DNAJC1: variants seen among roughly 807,000 people sequenced by gnomAD.
The protein encoded by DNAJC1 is dnaJ homolog subfamily C member 1.
Under a neutral mutation model 76.6 loss-of-function variants are expected in DNAJC1, and 58 were observed. The ratio of observed to expected loss-of-function variants is 0.76; its 90% confidence interval spans 0.61 to 0.94. DNAJC1 has a LOEUF of 0.94. DNAJC1 is among the 40% of genes least tolerant of loss of function. The pLI, the probability that DNAJC1 is intolerant of heterozygous loss-of-function variation, is 0.00. For missense variants in DNAJC1, 689 were observed against 677.3 expected (o/e 1.02, Z -0.19); for synonymous variants, 258 against 267.9 (o/e 0.96, Z 0.36).
At chr10:21,816,577 G>A (rs1433382352) in intron 8 of DNAJC1, among the ~76,000 whole-genome samples, 22 of 141,914 alleles carry the variant, frequency 1.6e-4, no homozygotes, top group African/African-American at 5.5e-4. Context: ...ACGGAGACTC[G>A]CTCTGTCACC....
At position 21,856,732 on chromosome 10, in the gene DNAJC1, GA is replaced by G. The variant is rs1285612197; in HGVS notation, c.978+25549del. The stretch of plus-strand genomic sequence containing the variant: ...TTAAAAAAATCACTAATGACACATA[GA>G]AAAAAAAATTTTTTTTTTTTGAGAC... On this transcript the variant is annotated intron_variant, in intron 8 of 11. Coordinates refer to ENST00000376980, the MANE Select transcript of DNAJC1 (RefSeq NM_022365.4). 4.0e-5 allele frequency among the ~76,000 whole-genome samples: 6 copies of G among 151,526 alleles called. No homozygotes were observed. In the East Asian group the frequency reaches 1.2e-3, roughly 29 times the overall value.
intron 9 of DNAJC1, among the ~76,000 whole-genome samples, chr10:21,797,433 C>T (rs2131637580): frequency 6.6e-6 from 1 of 152,134 alleles, no homozygotes; most frequent in South Asian, 2.1e-4. Flanking sequence ...ATTGGGGGTC[C>T]TTTGTAATTC....
chr10:21,790,912 T>A (rs1265495953), intron 9 of DNAJC1, among the ~76,000 whole-genome samples: 1 of 152,110 alleles, frequency 6.6e-6, no homozygotes, highest in Non-Finnish European at 1.5e-5. Flanking sequence ...ATTCTTCACT[T>A]AAAAGATATA....
intron 7 of DNAJC1, among the ~76,000 whole-genome samples, chr10:21,887,933 C>T (rs1003049840): frequency 4.6e-5 from 7 of 152,064 alleles, no homozygotes; most frequent in African/African-American, 1.4e-4. Context: ...AAACTATCGA[C>T]AGAGTAAAAA....
intron 1 of DNAJC1, among the ~76,000 whole-genome samples, chr10:21,985,807 C>T (rs1838236321): frequency 1.3e-5 from 2 of 152,174 alleles, no homozygotes; most frequent in Non-Finnish European, 2.9e-5. Flanking sequence ...TTTTGGCTAA[C>T]ATTATGAATA....
At chr10:21,948,478 T>C (rs1447772518) in intron 1 of DNAJC1, among the ~76,000 whole-genome samples, 1 of 152,194 alleles carries the variant, frequency 6.6e-6, no homozygotes, top group South Asian at 2.1e-4. Context: ...AGGCAGAGTG[T>C]GTTTGGTAAC....
chr10:21,925,962 A>T (rs954839054), intron 3 of DNAJC1, among the ~76,000 whole-genome samples: 1 of 152,242 alleles, frequency 6.6e-6, no homozygotes, highest in Non-Finnish European at 1.5e-5. Flanking sequence ...ATGTTAAAAA[A>T]TCAAACAAAA....
At chr10:21,781,735 A>G (rs1028045693) in intron 9 of DNAJC1, among the ~76,000 whole-genome samples, 129 of 151,004 alleles carry the variant, frequency 8.5e-4, no homozygotes, top group Non-Finnish European at 1.4e-3. Flanking sequence ...AAAAAAAAAA[A>G]AAAGAAACTC....
intron 8 of DNAJC1, among the ~76,000 whole-genome samples, chr10:21,836,461 T>A (rs1045230200): frequency 3.3e-5 from 5 of 152,188 alleles, no homozygotes; most frequent in South Asian, 2.1e-4. Context: ...TGACAGGATC[T>A]AATTCACACA....
chr10:21,916,532 C>G (rs1836959166), intron 6 of DNAJC1, among the ~76,000 whole-genome samples: 1 of 152,096 alleles, frequency 6.6e-6, no homozygotes, highest in Non-Finnish European at 1.5e-5. Context: ...TCCTATATCA[C>G]AAGAGTGGTA....
chr10:21,947,551 T>C (rs1415958437), intron 1 of DNAJC1, among the ~76,000 whole-genome samples: 1 of 152,262 alleles, frequency 6.6e-6, no homozygotes, highest in Admixed American at 6.5e-5. Context: ...ATTGTAAGAA[T>C]ACAGTATATG....
At chr10:21,778,969 G>A (rs1834489768) in intron 9 of DNAJC1, among the ~76,000 whole-genome samples, 1 of 152,230 alleles carries the variant, frequency 6.6e-6, no homozygotes, top group Non-Finnish European at 1.5e-5. Flanking sequence ...GGCTTGGACG[G>A]TCCCACGCCC....
Position 22,003,697 on chromosome 10 carries a change from G to A in DNAJC1, c.-263C>T. The A allele has an allele frequency of 2.7e-6, 1 of 367,778 alleles. No individual in the cohort carries two copies. Among genetic ancestry groups the A allele is most frequent in the Non-Finnish European group, 4.8e-6 (1 of 209,068 alleles). 22.8% of individuals were successfully genotyped at this position (367,778 alleles called of 1,614,324 possible). On this transcript the variant is annotated 5_prime_UTR_variant, in exon 1 of 12. Transcript: ENST00000376980. ...CTCGCCCCCAGGCCTACACACAGCT[G>A]TAGAGGCAGCGCCCGGCGCCTGGGC...
intron 1 of DNAJC1, among the ~76,000 whole-genome samples, chr10:21,989,605 G>C (rs920049204): frequency 6.6e-6 from 1 of 151,942 alleles, no homozygotes; most frequent in Non-Finnish European, 1.5e-5. Flanking sequence ...CACCGCCTGT[G>C]GGGAAAAAAA....
At chr10:21,907,621 A>G (rs1368988019) in intron 6 of DNAJC1, among the ~76,000 whole-genome samples, 1 of 152,158 alleles carries the variant, frequency 6.6e-6, no homozygotes, top group Non-Finnish European at 1.5e-5. Context: ...GGTTTATTAC[A>G]GGCAAGAATG....
intron 9 of DNAJC1, among the ~76,000 whole-genome samples, chr10:21,796,887 T>G (rs1006282188): frequency 6.6e-6 from 1 of 152,178 alleles, no homozygotes; most frequent in Admixed American, 6.5e-5. Flanking sequence ...TTTCTCCCAG[T>G]GCATGGTTTG....
intron 1 of DNAJC1, among the ~76,000 whole-genome samples, chr10:21,969,910 C>CTTGG (rs1450875133): frequency 1.3e-5 from 2 of 152,154 alleles, no homozygotes; most frequent in Admixed American, 1.3e-4. Context: ...CATTTTGTCA[C>CTTGG]TTGGCACTTT....
intron 1 of DNAJC1, among the ~76,000 whole-genome samples, chr10:21,976,162 G>A (rs1425805596): frequency 6.6e-6 from 1 of 152,090 alleles, no homozygotes; most frequent in African/African-American, 2.4e-5. Context: ...TTTATTGCTG[G>A]AAACTGTATT....
At chr10:21,825,609 A>G (rs1433686539) in intron 8 of DNAJC1, among the ~76,000 whole-genome samples, 1 of 152,210 alleles carries the variant, frequency 6.6e-6, no homozygotes, top group Non-Finnish European at 1.5e-5. Flanking sequence ...CCACCAACCT[A>G]TTTTAAAAAG....
Sources: allele counts gnomAD v4.1 joint callset (sites outside exome capture counted in the v4.1 genomes callset), GRCh38; gene constraint gnomAD v4.1.1; transcripts MANE v1.5; gene names NCBI Gene and HGNC (gene_info 2026-07-23, HGNC 2026-07-21).